Variants in MAF observed in about 807,000 individuals in gnomAD.
MAF encodes the protein MAF bZIP transcription factor.
Under a neutral mutation model 22.0 loss-of-function variants are expected in MAF, and 10 were observed. That is an observed-to-expected ratio of 0.45 (90% CI 0.28 to 0.77). The LOEUF (loss-of-function observed/expected upper bound fraction) is 0.77, where lower values mean the gene tolerates loss of function less well. MAF is among the 30% of genes least tolerant of loss of function. MAF has a pLI of 0.12. For synonymous variants in MAF, 337 were observed against 255.8 expected (o/e 1.32, Z -3.03); for missense variants, 544 against 548.4 (o/e 0.99, Z 0.08).
chr16:79,542,354 T>C, the MAF span, among the ~76,000 whole-genome samples: 1 of 152,134 alleles, frequency 6.6e-6, no homozygotes, highest in Admixed American at 6.5e-5. Flanking sequence ...GTGCGTGTTA[T>C]TTTTGGACCA....
the MAF span, among the ~76,000 whole-genome samples, chr16:79,555,233 T>C: frequency 6.6e-6 from 1 of 152,324 alleles, no homozygotes; most frequent in South Asian, 2.1e-4. Flanking sequence ...CATGCTGCCC[T>C]GGGATTGCAA....
At chr16:79,213,762 A>G in the MAF span, among the ~76,000 whole-genome samples, 1 of 151,520 alleles carries the variant, frequency 6.6e-6, no homozygotes, top group Non-Finnish European at 1.5e-5. Flanking sequence ...AGAGGAGAAG[A>G]AACTGCACAT....
chr16:79,364,012 C>T, the MAF span, among the ~76,000 whole-genome samples: 5 of 152,022 alleles, frequency 3.3e-5, no homozygotes, highest in Non-Finnish European at 5.9e-5. Flanking sequence ...AGGTTGTGCC[C>T]GAAAAGCAAC....
the MAF span, among the ~76,000 whole-genome samples, chr16:79,446,688 G>C: frequency 5.9e-5 from 9 of 151,912 alleles, no homozygotes; most frequent in Non-Finnish European, 1.0e-4. Flanking sequence ...AAGGTGGGAG[G>C]ATCACTTGAA....
the MAF span, among the ~76,000 whole-genome samples, chr16:79,248,590 T>A: frequency 3.3e-5 from 5 of 152,204 alleles, no homozygotes; most frequent in Non-Finnish European, 4.4e-5. Flanking sequence ...AAGATTAACT[T>A]AACTATCACT....
At chr16:79,510,138 G>A in the MAF span, among the ~76,000 whole-genome samples, 1 of 152,182 alleles carries the variant, frequency 6.6e-6, no homozygotes, top group African/African-American at 2.4e-5. Context: ...TCCATAAAAT[G>A]GGTACAACAA....
the MAF span, among the ~76,000 whole-genome samples, chr16:79,275,598 G>A: frequency 6.6e-6 from 1 of 152,182 alleles, no homozygotes; most frequent in Non-Finnish European, 1.5e-5. Context: ...TCAGCAGATT[G>A]TCTTGGACAA....
the MAF span, among the ~76,000 whole-genome samples, chr16:79,224,282 C>G: frequency 2.0e-5 from 3 of 152,136 alleles, no homozygotes; most frequent in African/African-American, 7.2e-5. Context: ...GCAATAGATG[C>G]AGAAAAGGCC....
chr16:79,232,842 T>C, the MAF span, among the ~76,000 whole-genome samples: 1 of 145,936 alleles, frequency 6.9e-6, no homozygotes, highest in Middle Eastern at 3.4e-3. Context: ...CCATTCTTTT[T>C]TTTTTTTTTT....
At chr16:79,550,599 C>T in the MAF span, among the ~76,000 whole-genome samples, 7 of 152,138 alleles carry the variant, frequency 4.6e-5, no homozygotes, top group Non-Finnish European at 1.0e-4. Context: ...AGTCAAGGGC[C>T]ACCTGGCAGA....
chr16:79,213,706 G>A, the MAF span, among the ~76,000 whole-genome samples: 2 of 151,826 alleles, frequency 1.3e-5, no homozygotes, highest in African/African-American at 2.4e-5. Flanking sequence ...AGTTAGACAT[G>A]TAAGTGAGGC....
At chr16:79,410,527 C>T in the MAF span, among the ~76,000 whole-genome samples, 1 of 152,070 alleles carries the variant, frequency 6.6e-6, no homozygotes, top group African/African-American at 2.4e-5. Context: ...TGAATCGTGC[C>T]CTGCGCTGGG....
chr16:79,483,732 G>T, the MAF span, among the ~76,000 whole-genome samples: 1 of 152,188 alleles, frequency 6.6e-6, no homozygotes, highest in Non-Finnish European at 1.5e-5. Flanking sequence ...GGCAGGCATA[G>T]AGAGAGAGGG....
chr16:79,249,516 C>G, the MAF span, among the ~76,000 whole-genome samples: 1 of 152,032 alleles, frequency 6.6e-6, no homozygotes, highest in Non-Finnish European at 1.5e-5. Context: ...CAGGCCCTCA[C>G]CAGACACCAA....
chr16:79,395,884 G>A, the MAF span, among the ~76,000 whole-genome samples: 1 of 152,154 alleles, frequency 6.6e-6, no homozygotes, highest in Non-Finnish European at 1.5e-5. Context: ...GAGAACTGGC[G>A]AGACAGGCAA....
the MAF span, among the ~76,000 whole-genome samples, chr16:79,519,157 C>A: frequency 6.6e-6 from 1 of 152,244 alleles, no homozygotes; most frequent in East Asian, 1.9e-4. Context: ...GAGATCCTCT[C>A]CTTTGTACAT....
the MAF span, among the ~76,000 whole-genome samples, chr16:79,283,896 C>G: frequency 8.2e-5 from 12 of 147,234 alleles, no homozygotes; most frequent in Admixed American, 4.9e-4. Flanking sequence ...CACGGGGTAG[C>G]TGGGGAGCTA....
In MAF at chr16:79,594,429, T is replaced by C. The variant is rs1216300578; in HGVS notation, c.*31A>G. ...CTGCAAATAATAATAATAATGATGA[T>C]TTTTTTTAATGTACAGCTCTCACAC... On this transcript the variant is annotated 3_prime_UTR_variant, in exon 2 of 2. Transcript: ENST00000326043. 8.7e-6 allele frequency: 13 copies of C among 1,499,664 alleles called. No homozygotes were observed. Among genetic ancestry groups the C allele is most frequent in the Non-Finnish European group, 1.2e-5 (13 of 1,107,072 alleles). 92.9% of individuals were successfully genotyped at this position (1,499,664 alleles called of 1,614,324 possible). A position where few individuals can be genotyped will look rare whatever the true frequency, so the allele number is the denominator to read the frequency against.
the MAF span, among the ~76,000 whole-genome samples, chr16:79,354,931 G>A: frequency 6.6e-6 from 1 of 152,082 alleles, no homozygotes; most frequent in Non-Finnish European, 1.5e-5. Flanking sequence ...AAAAATAAGT[G>A]GGAGAGAGAA....
Sources: gnomAD v4.1 joint callset for allele counts (sites outside exome capture counted in the v4.1 genomes callset) on GRCh38, gnomAD v4.1.1 for gene constraint, MANE v1.5 for transcripts, NCBI Gene and HGNC (gene_info 2026-07-23, HGNC 2026-07-21) for gene names.